BEND7: variants seen among roughly 807,000 people sequenced by gnomAD.
BEND7 encodes BEN domain-containing protein 7.
A neutral mutation model predicts 50.9 loss-of-function variants in BEND7; 28 were observed. That is an observed-to-expected ratio of 0.55 (90% confidence interval 0.41 to 0.75). The LOEUF (loss-of-function observed/expected upper bound fraction) is 0.75. Ranked by LOEUF, BEND7 falls within the 30% of genes least tolerant of loss-of-function variation. The pLI is 0.00. For missense variants in BEND7, 477 were observed against 491.3 expected (o/e 0.97, Z 0.28); for synonymous variants, 170 against 183.9 (o/e 0.92, Z 0.61).
At chr10:13,462,604 T>C (rs1840435015) in intron 6 of BEND7, among the ~76,000 whole-genome samples, 1 of 152,102 alleles carries the variant, frequency 6.6e-6, no homozygotes. Flanking sequence ...GGGAGATAGA[T>C]CTGGAGAATA....
intron 5 of BEND7, among the ~76,000 whole-genome samples, chr10:13,486,522 T>C (rs1007046639): frequency 1.8e-4 from 27 of 152,208 alleles, no homozygotes; most frequent in African/African-American, 5.8e-4. Context: ...TCAAGGCTCA[T>C]AGTGGAAGGT....
downstream of BEND7, chr10:13,439,146 C>G (rs1439102143): frequency 1.3e-6 from 2 of 1,550,242 alleles, no homozygotes; most frequent in Admixed American, 3.8e-5. Flanking sequence ...GGGTGATACA[C>G]ACACACATAA....
chr10:13,496,479 A>T (rs2077027336), intron 4 of BEND7, among the ~76,000 whole-genome samples: 1 of 152,188 alleles, frequency 6.6e-6, no homozygotes, highest in Admixed American at 6.5e-5. Flanking sequence ...GTTGTTCCCA[A>T]ATTTAATTAA....
intron 7 of BEND7, among the ~76,000 whole-genome samples, chr10:13,450,827 G>C (rs964862497): frequency 6.6e-6 from 1 of 152,052 alleles, no homozygotes; most frequent in Non-Finnish European, 1.5e-5. Context: ...TGTAGAAGTG[G>C]GCAAACCTGG....
chr10:13,441,077 C>A (rs1377042420), downstream of BEND7: 2 of 984,546 alleles, frequency 2.0e-6, no homozygotes, highest in African/African-American at 3.5e-5. Context: ...CAGGCAAGAT[C>A]CGCACGCACG....
intron 2 of BEND7, among the ~76,000 whole-genome samples, chr10:13,519,185 C>A (rs990158726): frequency 6.6e-6 from 1 of 151,292 alleles, no homozygotes; most frequent in Non-Finnish European, 1.5e-5. Context: ...GAATAGATAA[C>A]TCCTAGGCTG....
intron 6 of BEND7, among the ~76,000 whole-genome samples, chr10:13,477,839 C>A (rs536436998): frequency 2.0e-5 from 3 of 152,178 alleles, no homozygotes; most frequent in Non-Finnish European, 4.4e-5. Context: ...AAAACCTATG[C>A]CTCTTCACTC....
Position 13,492,828 on chromosome 10 carries a change from T to C in BEND7, c.620A>G (p.Gln207Arg), listed in dbSNP as rs1288316963. 6.2e-7 allele frequency: 1 copy of C among 1,607,582 alleles called. No homozygotes were observed. Reference sequence around the variant, plus strand: ...TCTCTTTCGTGAGACAGCAGTTCGCTGGGAGCATATAAGGGAAATTGGAGG... The same window carrying C: ...TCTCTTTCGTGAGACAGCAGTTCGCCGGGAGCATATAAGGGAAATTGGAGG... Reference protein sequence around the residue: ...QQPPISLICSQRTAVSRKRNK... With the variant: ...QQPPISLICSRRTAVSRKRNK... Residue 207 changes from glutamine (Q) to arginine (R), a missense_variant, in exon 5 of 9, where the codon CAG becomes CGG. This residue lies in a region of BEND7 where 396 missense variants were observed against 384.2 expected (regional missense o/e 1.03). Transcript: ENST00000466271.
chr10:13,518,730 A>T (rs2078873178), intron 2 of BEND7, among the ~76,000 whole-genome samples: 1 of 152,260 alleles, frequency 6.6e-6, no homozygotes, highest in Non-Finnish European at 1.5e-5. Context: ...CTAGTATGTT[A>T]CAGAAGCTTA....
intron 2 of BEND7, among the ~76,000 whole-genome samples, chr10:13,512,593 AAG>A (rs1400833854): frequency 6.6e-6 from 1 of 152,218 alleles, no homozygotes; most frequent in African/African-American, 2.4e-5. Flanking sequence ...GAAAACTTCT[AAG>A]AGAGTCTTGA....
chr10:13,468,713 C>A (rs763089618), intron 6 of BEND7, among the ~76,000 whole-genome samples: 6 of 151,992 alleles, frequency 3.9e-5, no homozygotes, highest in Non-Finnish European at 7.4e-5. Context: ...CCAAAGGGCA[C>A]TGAATGAGAG....
intron 2 of BEND7, among the ~76,000 whole-genome samples, chr10:13,525,819 A>C (rs2079421206): frequency 6.6e-6 from 1 of 152,240 alleles, no homozygotes; most frequent in Admixed American, 6.5e-5. Context: ...AACTATTGCC[A>C]GTGAAGCATG....
chr10:13,504,191 C>A lies in BEND7; in HGVS notation c.146-4111G>T, dbSNP rs1171666431. 1.4e-4 allele frequency among the ~76,000 whole-genome samples: 21 copies of A among 152,136 alleles called. 1 individual carries two copies. On this transcript the variant is annotated intron_variant, in intron 2 of 8. Coordinates refer to ENST00000466271, the MANE Select transcript of BEND7 (RefSeq NM_001369863.1). Reference sequence around the variant, plus strand: ...CTGGGAGCAGATGAGCAGGCCGAGCCGTAGAAGCTCGTTGAGTGTGGTGCA... The same window carrying A: ...CTGGGAGCAGATGAGCAGGCCGAGCAGTAGAAGCTCGTTGAGTGTGGTGCA...
intron 7 of BEND7, among the ~76,000 whole-genome samples, chr10:13,448,187 G>A (rs1293909824): frequency 1.3e-5 from 2 of 152,220 alleles, no homozygotes; most frequent in African/African-American, 4.8e-5. Context: ...TCCAAAGGTA[G>A]ATCCTTCAGT....
chr10:13,464,581 T>A (rs2074040036), intron 6 of BEND7, among the ~76,000 whole-genome samples: 1 of 152,140 alleles, frequency 6.6e-6, no homozygotes. Flanking sequence ...ACATCTTGAT[T>A]CTTAGAGAGG....
chr10:13,517,357 T>C (rs1197536903), intron 2 of BEND7, among the ~76,000 whole-genome samples: 2 of 152,120 alleles, frequency 1.3e-5, no homozygotes, highest in Non-Finnish European at 2.9e-5. Flanking sequence ...CTGGTATGGC[T>C]GCTGCACATG....
chr10:13,485,106 C>T (rs1028166049), intron 5 of BEND7, among the ~76,000 whole-genome samples: 1 of 152,112 alleles, frequency 6.6e-6, no homozygotes, highest in African/African-American at 2.4e-5. Context: ...ACCCCTCTGC[C>T]CCGTTAGGCT....
chr10:13,487,380 TTTC>T (rs141425687), intron 5 of BEND7, among the ~76,000 whole-genome samples: 79,273 of 141,148 alleles, frequency 0.56, 22,723 homozygotes, highest in East Asian at 0.76. Flanking sequence ...TTTCTTTTCT[TTTC>T]TTTTCTTTTT....
chr10:13,441,691 T>C lies in BEND7; in HGVS notation c.*52A>G. 1 of 1,612,230 alleles carries C rather than the reference T, an allele frequency of 6.2e-7. No homozygotes were observed. The highest frequency in any genetic ancestry group is 8.5e-7 in the Non-Finnish European group (1 of 1,179,462). On this transcript the variant is annotated 3_prime_UTR_variant, in exon 9 of 9. Coordinates refer to ENST00000466271, the MANE Select transcript of BEND7 (RefSeq NM_001369863.1). ...CTCCTTGTGGGAGGCAGAGGACGGA[T>C]TTTAAAACCCATGGTGCAAAAAACA... is the stretch of plus-strand genomic sequence containing the variant.
Sources: allele counts gnomAD v4.1 joint callset (sites outside exome capture counted in the v4.1 genomes callset), GRCh38; gene constraint gnomAD v4.1.1; regional missense constraint gnomAD v4.1.1; transcripts MANE v1.5; gene names NCBI Gene and HGNC (gene_info 2026-07-23, HGNC 2026-07-21).